The following KRT80 variants were observed in gnomAD, a reference collection of about 807,000 sequenced individuals.
KRT80 encodes the protein keratin 80.
A neutral mutation model predicts 51.5 loss-of-function variants in KRT80; 36 were observed. The ratio of observed to expected loss-of-function variants is 0.70; its 90% CI spans 0.54 to 0.92. The LOEUF (loss-of-function observed/expected upper bound fraction) is 0.92. Ranked by LOEUF, KRT80 falls within the 40% of genes least tolerant of loss-of-function variation. The pLI is 0.00. For missense variants in KRT80, 566 were observed against 591.7 expected, an observed-to-expected ratio of 0.96 and a Z score of 0.45; for synonymous variants, 235 against 248.3, an observed-to-expected ratio of 0.95 and a Z score of 0.50.
chr12:52,180,715 G>A (rs773990270), intron 3 of KRT80, 107 bp from the exon 4 acceptor site: 4 of 1,603,776 alleles, frequency 2.5e-6, no homozygotes, highest in African/African-American at 2.7e-5. Context: ...GATTCCAGAG[G>A]AGATCTGGCT....
chr12:52,182,711 C>T (rs1211880890), intron 2 of KRT80, among the ~76,000 whole-genome samples: 6 of 152,158 alleles, frequency 3.9e-5, no homozygotes, highest in Non-Finnish European at 8.8e-5. Flanking sequence ...GGGAAACCCC[C>T]TCTGGCAGAG....
chr12:52,175,985 C>G (rs1478477322), intron 4 of KRT80, among the ~76,000 whole-genome samples: 1 of 152,154 alleles, frequency 6.6e-6, no homozygotes, highest in Non-Finnish European at 1.5e-5. Flanking sequence ...CCTCAGAGCC[C>G]TCCAGTGTGC....
At chr12:52,191,403 TC>T (rs1941478588) in intron 1 of KRT80, among the ~76,000 whole-genome samples, 199 bp downstream of exon 1, 2 of 152,130 alleles carry the variant, frequency 1.3e-5, no homozygotes, top group African/African-American at 4.8e-5. Context: ...GGTCCCTTTC[TC>T]CCCACATGCC....
chr12:52,178,630 T>A (rs2120897451), intron 4 of KRT80, among the ~76,000 whole-genome samples: 1 of 152,374 alleles, frequency 6.6e-6, no homozygotes, highest in East Asian at 1.9e-4. Flanking sequence ...TCCAGATATT[T>A]GCTGACTTGC....
rs1234451290 is a variant in KRT80, at chr12:52,189,109, C to T, written c.300+2494G>A. Among the ~76,000 whole-genome samples the T allele has an allele frequency of 4.6e-5, 7 of 152,314 alleles. No individual in the cohort carries two copies. The East Asian group carries it at 1.4e-3, about 29-fold the overall frequency. On this transcript the variant is annotated intron_variant, in intron 1 of 8. Coordinates refer to ENST00000394815, the MANE Select transcript of KRT80 (RefSeq NM_182507.3). ...TGAGAGTCTCTGCTCCTCCTGAGTG[C>T]TCCCAGGTTCCTCTCAGTTCCTCAG...
chr12:52,185,469 T>G lies in KRT80; in HGVS notation c.419A>C (p.Gln140Pro), dbSNP rs1941388956. ...HLYEEYQGRL[Q>P]EELRKVSQER... ...CTGGCTCACTTTGCGCAGTTCCTCC[T>G]GCAGCCGGCCCTGATATTCCTCATA... The change falls in exon 2 of 9, where the codon CAG becomes CCG. Residue 140 changes from glutamine to proline, a missense_variant. By Grantham distance (76) the Gln-to-Pro change is moderately conservative. Transcript: ENST00000394815. 6.2e-7 allele frequency: 1 copy of G among 1,614,070 alleles called. No individual in the cohort carries two copies. Among genetic ancestry groups the G allele is most frequent in the Non-Finnish European group, 8.5e-7 (1 of 1,180,034 alleles).
chr12:52,189,271 C>T (rs1369089584), intron 1 of KRT80, among the ~76,000 whole-genome samples: 1 of 152,228 alleles, frequency 6.6e-6, no homozygotes, highest in Admixed American at 6.5e-5. Context: ...TCCCTTCACT[C>T]CTCTATCCGG....
intron 2 of KRT80, among the ~76,000 whole-genome samples, chr12:52,182,015 T>A (rs1941330206): frequency 1.3e-5 from 2 of 152,200 alleles, no homozygotes; most frequent in South Asian, 4.1e-4. Flanking sequence ...GCGCCCCTCA[T>A]GCCTTCTTCT....
At chr12:52,183,235 T>C (rs1592364089) in intron 2 of KRT80, among the ~76,000 whole-genome samples, 1 of 152,332 alleles carries the variant, frequency 6.6e-6, no homozygotes, top group African/African-American at 2.4e-5. Context: ...TCCATCCCCA[T>C]AGAGGCTTAG....
chr12:52,171,357 G>A lies in KRT80; in HGVS notation c.*41C>T, dbSNP rs1480078794. On this transcript the variant is annotated 3_prime_UTR_variant, in exon 9 of 9. Transcript: ENST00000394815. ...CTTGAGTCTAGCTTAAGTCCCTCCT[G>A]CTGCAGTGGAGTGCCCTGGGGTTCC... 6.5e-7 allele frequency: 1 copy of A among 1,530,804 alleles called. No homozygotes were observed. Among genetic ancestry groups the A allele is most frequent in the Admixed American group, 2.1e-5 (1 of 47,588 alleles). 94.8% of individuals were successfully genotyped at this position (1,530,804 alleles called of 1,614,324 possible). A position where few individuals can be genotyped will look rare whatever the true frequency, so the allele number is the denominator to read the frequency against.
intron 1 of KRT80, among the ~76,000 whole-genome samples, chr12:52,188,835 G>A (rs568598122): frequency 2.6e-5 from 4 of 152,332 alleles, no homozygotes; most frequent in Non-Finnish European, 4.4e-5. Flanking sequence ...AGCCCAGCCA[G>A]CAGCCTCTGC....
intron 7 of KRT80, 79 bp from the exon 8 acceptor site, chr12:52,171,792 G>T (rs1941110116): frequency 3.1e-6 from 3 of 979,800 alleles, no homozygotes; most frequent in Admixed American, 2.1e-5. Flanking sequence ...TCCCCTGGGG[G>T]CTGGCAAGTG....
At chr12:52,190,665 G>A (rs1040637706) in intron 1 of KRT80, among the ~76,000 whole-genome samples, 2 of 152,220 alleles carry the variant, frequency 1.3e-5, no homozygotes, top group Non-Finnish European at 2.9e-5. Context: ...CTCCCATAAG[G>A]TTGTTGAGAG....
chr12:52,186,935 C>T (rs558643900), intron 1 of KRT80, among the ~76,000 whole-genome samples: 12 of 152,246 alleles, frequency 7.9e-5, no homozygotes, highest in African/African-American at 2.9e-4. Flanking sequence ...CCAGGTCCTC[C>T]TCTCCTCCCC....
At chr12:52,188,949 C>T (rs1171613509) in intron 1 of KRT80, among the ~76,000 whole-genome samples, 1 of 152,168 alleles carries the variant, frequency 6.6e-6, no homozygotes, top group Non-Finnish European at 1.5e-5. Context: ...CCAGTCCTTC[C>T]ACTGGGACGA....
intron 4 of KRT80, among the ~76,000 whole-genome samples, chr12:52,175,029 A>T (rs1342933304): frequency 6.6e-6 from 1 of 152,116 alleles, no homozygotes; most frequent in Non-Finnish European, 1.5e-5. Flanking sequence ...CAGACACATC[A>T]TGCTCCTTCT....
chr12:52,171,011 G>C lies in KRT80; in HGVS notation c.*387C>G, dbSNP rs1010020477. The C allele has an allele frequency of 5.8e-6, 1 of 172,026 alleles. No individual in the cohort carries two copies. Among genetic ancestry groups the C allele is most frequent in the African/African-American group, 2.4e-5 (1 of 41,836 alleles). 10.7% of individuals were successfully genotyped at this position (172,026 alleles called of 1,614,324 possible). A position where few individuals can be genotyped will look rare whatever the true frequency, so the allele number is the denominator to read the frequency against. The stretch of plus-strand genomic sequence containing the variant: ...GAGGCAGAGACAAGGCAAGGCTTGA[G>C]ATAGGAGTCAAGGTCAAGGATTGGG... On this transcript the variant is annotated 3_prime_UTR_variant, in exon 9 of 9. Coordinates refer to ENST00000394815, the MANE Select transcript of KRT80 (RefSeq NM_182507.3).
intron 7 of KRT80, 36 bp downstream of exon 7, chr12:52,172,162 C>T (rs1400228094): frequency 8.7e-6 from 14 of 1,606,876 alleles, no homozygotes; most frequent in Non-Finnish European, 1.0e-5. Context: ...AGCCCTCCTT[C>T]CCCTGCAGCC....
In KRT80 at chr12:52,173,606, C is replaced by G. The variant is rs757693851; in HGVS notation, c.825G>C (p.Arg275=). ...CCTGTGTGGTCAGCCCCACCTGGCTCCGAGAGTATGCCTCGGCCTCCTCCA... is the reference window on the plus strand; with the variant it reads ...CCTGTGTGGTCAGCCCCACCTGGCTGCGAGAGTATGCCTCGGCCTCCTCCA... ...RSLEEAEAYS[R]SQLEEQAARS... is the part of the protein sequence containing the mutation. Residue 275 remains arginine, a synonymous_variant, in exon 5 of 9, where the codon CGG becomes CGC. Transcript: ENST00000394815. 1.9e-6 allele frequency: 3 copies of G among 1,612,590 alleles called. No homozygotes were observed. The highest frequency in any genetic ancestry group is 2.5e-6 in the Non-Finnish European group (3 of 1,179,946).
Sources: gnomAD v4.1 joint callset for allele counts (sites outside exome capture counted in the v4.1 genomes callset) on GRCh38, gnomAD v4.1.1 for gene constraint, MANE v1.5 for transcripts, NCBI Gene and HGNC (gene_info 2026-07-23, HGNC 2026-07-21) for gene names.